Variants in RBFOX1 observed in about 807,000 individuals in gnomAD.
RBFOX1 encodes the protein RNA binding fox-1 homolog 1.
Under a neutral mutation model 57.7 loss-of-function variants are expected in RBFOX1, and 8 were observed. The ratio of observed to expected loss-of-function variants is 0.14; its 90% confidence interval spans 0.08 to 0.25. RBFOX1 has a LOEUF of 0.25. RBFOX1 is among the 10% of genes least tolerant of loss of function. The pLI is 1.00. For synonymous variants in RBFOX1, 326 were observed against 222.4 expected (o/e 1.47, Z -4.15); for missense variants, 611 against 548.5 (o/e 1.11, Z -1.14).
intron 11 of RBFOX1, among the ~76,000 whole-genome samples, chr16:7,647,967 T>C (rs974018494): frequency 3.9e-5 from 6 of 152,210 alleles, no homozygotes; most frequent in Admixed American, 3.9e-4. Context: ...TTAATTTGTG[T>C]CTGAATCATC....
chr16:7,709,650 A>C (rs2083605668), intron 15 of RBFOX1: 1 of 1,523,690 alleles, frequency 6.6e-7, no homozygotes, highest in African/African-American at 1.4e-5. Flanking sequence ...AGAGAGGGGC[A>C]CACTTTGTGT....
intron 13 of RBFOX1, among the ~76,000 whole-genome samples, chr16:7,675,960 A>G (rs2073152583): frequency 6.6e-6 from 1 of 152,228 alleles, no homozygotes. Context: ...TCAACGCTCC[A>G]CTGAACACAA....
At chr16:6,808,572 C>A (rs778469262) in intron 3 of RBFOX1, among the ~76,000 whole-genome samples, 1 of 152,060 alleles carries the variant, frequency 6.6e-6, no homozygotes, top group Non-Finnish European at 1.5e-5. Context: ...TGGGGAATAA[C>A]TGCCAAATTT....
intron 12 of RBFOX1, among the ~76,000 whole-genome samples, chr16:7,654,182 G>A (rs946447029): frequency 5.3e-5 from 8 of 152,190 alleles, no homozygotes; most frequent in African/African-American, 1.9e-4. Context: ...CATGTCACAT[G>A]TTGTTATGTA....
chr16:6,119,970 A>G (rs1203907385), intron 1 of RBFOX1, among the ~76,000 whole-genome samples: 2 of 152,182 alleles, frequency 1.3e-5, no homozygotes, highest in African/African-American at 2.4e-5. Context: ...CTTAGCAATC[A>G]CTAATCTGCT....
chr16:6,213,217 G>C (rs1219725379), intron 1 of RBFOX1, among the ~76,000 whole-genome samples: 1 of 151,944 alleles, frequency 6.6e-6, no homozygotes, highest in African/African-American at 2.4e-5. Context: ...GTGTGTCTTT[G>C]GGGATAGCTT....
At chr16:5,775,984 C>G (rs145418486) in intron 3 of RBFOX1, among the ~76,000 whole-genome samples, 2,050 of 152,238 alleles carry the variant, frequency 0.013, 35 homozygotes, top group Non-Finnish European at 0.019. Flanking sequence ...GCGATGAGCT[C>G]TACATCACCT....
At chr16:6,951,310 A>G (rs117073185) in intron 3 of RBFOX1, among the ~76,000 whole-genome samples, 1,573 of 152,274 alleles carry the variant, frequency 0.01, 14 homozygotes, top group Admixed American at 0.024. Flanking sequence ...TGTAGGCTGG[A>G]TACTGGAGTC....
chr16:7,708,342 C>A (rs1035899481), intron 14 of RBFOX1, among the ~76,000 whole-genome samples: 2 of 152,098 alleles, frequency 1.3e-5, no homozygotes, highest in Non-Finnish European at 2.9e-5. Context: ...TACCAGAAGC[C>A]ATGGCAGGTA....
At chr16:7,613,824 C>T (rs1051654984) in intron 10 of RBFOX1, among the ~76,000 whole-genome samples, 3 of 152,052 alleles carry the variant, frequency 2.0e-5, no homozygotes, top group Non-Finnish European at 2.9e-5. Context: ...AATTTGGATA[C>T]AATAGCATCT....
At chr16:5,879,975 A>C (rs948402231) in intron 4 of RBFOX1, among the ~76,000 whole-genome samples, 1 of 152,172 alleles carries the variant, frequency 6.6e-6, no homozygotes, top group African/African-American at 2.4e-5. Context: ...CTGTAACAAG[A>C]GGCCTGAGAA....
chr16:5,992,269 A>T (rs1259443615), intron 4 of RBFOX1, among the ~76,000 whole-genome samples: 2 of 152,238 alleles, frequency 1.3e-5, no homozygotes, highest in African/African-American at 2.4e-5. Context: ...TGTCAGAATG[A>T]TACAGCTGCA....
At chr16:6,854,478 A>T (rs1476337853) in intron 3 of RBFOX1, among the ~76,000 whole-genome samples, 1 of 152,078 alleles carries the variant, frequency 6.6e-6, no homozygotes, top group East Asian at 1.9e-4. Flanking sequence ...GGCTGCCAGA[A>T]ATAGGAAGTT....
At chr16:7,620,698 C>G (rs1037266738) in intron 10 of RBFOX1, among the ~76,000 whole-genome samples, 7 of 152,156 alleles carry the variant, frequency 4.6e-5, no homozygotes, top group Non-Finnish European at 8.8e-5. Flanking sequence ...ATTGATCATT[C>G]TCATGCTGAA....
At chr16:7,232,757 C>A in intron 4 of RBFOX1, among the ~76,000 whole-genome samples, 1 of 150,604 alleles carries the variant, frequency 6.6e-6, no homozygotes, top group Non-Finnish European at 1.5e-5. Context: ...AGGAGAATTG[C>A]TTGAACCTGG....
intron 1 of RBFOX1, among the ~76,000 whole-genome samples, chr16:5,378,260 A>T (rs1300226647): frequency 1.3e-5 from 2 of 151,570 alleles, no homozygotes; most frequent in Admixed American, 6.5e-5. Context: ...GGGATGTGGG[A>T]CTGGTGGGTC....
rs186379990 is a variant in RBFOX1 at position 5,414,370 on chromosome 16, T to G, written c.220-52846T>G. ...CCTCCGACACTGTGGGTGGGTATTT[T>G]CCTCTCTGTGGGCTTGCTTAAAGCA... is the stretch of plus-strand genomic sequence containing the variant. On this transcript the variant is annotated intron_variant, in intron 1 of 2. Transcript: ENST00000585867. Among the ~76,000 whole-genome samples the G allele has an allele frequency of 1.1e-3, 174 of 152,296 alleles. 2 individuals are homozygous for G. The highest frequency in any genetic ancestry group is 3.9e-3 in the African/African-American group (162 of 41,574).
At chr16:5,270,525 C>G (rs2062978239) in intron 1 of RBFOX1, 46 of 604,826 alleles carry the variant, frequency 7.6e-5, no homozygotes, top group South Asian at 6.8e-4. Context: ...GAAAAATGTT[C>G]AACAATGATT....
At chr16:6,946,588 T>C (rs2079567603) in intron 3 of RBFOX1, among the ~76,000 whole-genome samples, 2 of 152,084 alleles carry the variant, frequency 1.3e-5, no homozygotes, top group Non-Finnish European at 2.9e-5. Flanking sequence ...TCCAAGAACC[T>C]TTTTTTCATT....
Sources: gnomAD v4.1 joint callset for allele counts (sites outside exome capture counted in the v4.1 genomes callset) on GRCh38, gnomAD v4.1.1 for gene constraint, MANE v1.5 for transcripts, NCBI Gene and HGNC (gene_info 2026-07-23, HGNC 2026-07-21) for gene names.